The following EP400 variants were observed in gnomAD, a reference collection of about 807,000 sequenced individuals.
The protein encoded by EP400 is E1A-binding protein p400.
Under a neutral mutation model 354.1 loss-of-function variants are expected in EP400, and 105 were observed. The ratio of observed to expected loss-of-function variants is 0.30; its 90% CI spans 0.25 to 0.35. EP400 has a LOEUF of 0.35. Among genes scored for constraint, EP400 ranks in the 10% least tolerant of loss-of-function variants. The pLI, the probability that EP400 is intolerant of heterozygous loss-of-function variation, is 1.00. For missense variants in EP400, 3,280 were observed against 4,121.0 expected (o/e 0.80, Z 5.59); for synonymous variants, 1,646 against 1,716.9 (o/e 0.96, Z 1.02).
chr12:132,044,849 A>T lies in EP400; in HGVS notation c.6680A>T (p.Asp2227Val), dbSNP rs1485648072. ...PPQDDSDIYLDSVMCLMYEAT... is the reference protein window; with the variant it reads ...PPQDDSDIYLVSVMCLMYEAT... ...CAGGACGACAGCGACATCTACCTCG[A>T]CTCGGTCATGTGTCTCATGTATGAA... is the stretch of plus-strand genomic sequence containing the variant. Residue 2227 changes from aspartate (D) to valine (V), a missense_variant, in exon 37 of 53, where the codon GAC becomes GTC. Physicochemically the swap from Asp to Val is radical, Grantham distance 152. Around this residue, in one of 20 missense-constraint regions of EP400, gnomAD observed 231 missense variants for 257.9 expected, o/e 0.90. Transcript: ENST00000389561. The T allele has an allele frequency of 6.2e-7, 1 of 1,614,014 alleles. No homozygotes were observed.
chr12:131,958,984 C>T lies in EP400; in HGVS notation c.-35-1601C>T, dbSNP rs146014450. On this transcript the variant is annotated intron_variant, in intron 1 of 52. Transcript: ENST00000389561. ...TCCAGCCAGGGTTGAGGTGAAGGCA[C>T]CTCAAGAAGACAGGGGCACCTGGGT... Among the ~76,000 whole-genome samples the T allele has an allele frequency of 7.4e-3, 1,132 of 152,284 alleles. 4 individuals are homozygous for T. The highest frequency in any genetic ancestry group is 9.9e-3 in the Non-Finnish European group (671 of 68,028).
intron 19 of EP400, 110 bp downstream of exon 19, chr12:132,014,023 T>C: frequency 6.8e-7 from 1 of 1,463,514 alleles, no homozygotes; most frequent in African/African-American, 1.4e-5. Flanking sequence ...ATTGGGTGTC[T>C]GGAGCTGGAG....
At chr12:132,023,299 ATTTTTTTTTTTTTTTTT>A (rs767816284) in intron 23 of EP400, among the ~76,000 whole-genome samples, 7 of 71,042 alleles carry the variant, frequency 9.9e-5, no homozygotes, top group South Asian at 4.7e-4. Context: ...TGCCCAGCTA[ATTTTTTTTTTTTTTTTT>A]TTTTTTTTTT....
intron 1 of EP400, among the ~76,000 whole-genome samples, chr12:131,953,661 C>T (rs1891595095): frequency 6.6e-6 from 1 of 152,142 alleles, no homozygotes; most frequent in Non-Finnish European, 1.5e-5. Flanking sequence ...CTGTAATGTG[C>T]CCTTTGGTGG....
intron 2 of EP400, among the ~76,000 whole-genome samples, chr12:131,973,499 C>T (rs777785505): frequency 3.9e-5 from 6 of 152,112 alleles, no homozygotes; most frequent in East Asian, 1.9e-4. Context: ...AAAAATTTGC[C>T]GGGTGTGGTG....
At chr12:132,016,104 C>G (rs1020201528) in intron 19 of EP400, among the ~76,000 whole-genome samples, 1 of 152,204 alleles carries the variant, frequency 6.6e-6, no homozygotes, top group East Asian at 1.9e-4. Context: ...CGGAACCATC[C>G]GTCGTCTCAG....
chr12:132,027,556 G>A lies in EP400; in HGVS notation c.5109+25G>A, dbSNP rs897102163. The A allele has an allele frequency of 1.9e-6, 3 of 1,581,590 alleles. No individual in the cohort carries two copies. The highest frequency in any genetic ancestry group is 3.5e-5 in the Admixed American group (2 of 56,966). ...GGTAAGCACCTGAGCTTGAGACCCC[G>A]GTGCACGTGGACAGGTAGCTTTCCA... is the stretch of plus-strand genomic sequence containing the variant. On this transcript the variant is annotated intron_variant, in intron 26 of 52. Coordinates refer to ENST00000389561, the MANE Select transcript of EP400 (RefSeq NM_015409.5). The surrounding 1 kb of genome is among the most constrained non-coding windows in gnomAD (Gnocchi z 4.9).
At chr12:131,969,895 A>G (rs1224865248) in intron 2 of EP400, among the ~76,000 whole-genome samples, 1 of 152,144 alleles carries the variant, frequency 6.6e-6, no homozygotes, top group African/African-American at 2.4e-5. Context: ...AAAAACACAA[A>G]AAAATGAGCT....
At chr12:131,962,012 C>T (rs553965078) in intron 2 of EP400, 58 bp downstream of exon 2, 42 of 1,515,858 alleles carry the variant, frequency 2.8e-5, no homozygotes, top group African/African-American at 8.3e-5. Flanking sequence ...AGAGTCTATG[C>T]GACAATGAAT....
intron 51 of EP400, among the ~76,000 whole-genome samples, chr12:132,072,059 T>C (rs2136621291): frequency 6.6e-6 from 1 of 152,306 alleles, no homozygotes; most frequent in South Asian, 2.1e-4. Flanking sequence ...TGAGTTCAAT[T>C]ACTGCTCTTG....
chr12:132,077,361 T>C (rs753527267), intron 52 of EP400, 40 bp from the exon 53 acceptor site: 3 of 1,585,270 alleles, frequency 1.9e-6, no homozygotes, highest in African/African-American at 2.7e-5. Context: ...CTGGACTGAG[T>C]TTCCTGGGCA....
intron 19 of EP400, among the ~76,000 whole-genome samples, chr12:132,015,347 G>C (rs569070580): frequency 2.6e-5 from 4 of 152,342 alleles, no homozygotes; most frequent in Admixed American, 2.0e-4. Flanking sequence ...TGTTGCTGAA[G>C]CTCTGGTGTC....
At chr12:131,987,982 AC>A in intron 7 of EP400, 92 bp downstream of exon 7, 202 of 628,298 alleles carry the variant, frequency 3.2e-4, no homozygotes, top group Middle Eastern at 5.0e-4. Context: ...CTCCAGACCC[AC>A]TTTTTTTTTT....
Position 132,011,448 on chromosome 12 carries a change from T to C in EP400, c.3305-50T>C, listed in dbSNP as rs373889848. ...CTGGTCAGACACAGTGCTAGGTGCC[T>C]GGACATGACAGATACTTTGACGTGG... On this transcript the variant is annotated intron_variant, in intron 15 of 52. Transcript: ENST00000389561. 13 of 1,606,196 alleles carry C rather than the reference T, an allele frequency of 8.1e-6. No homozygotes were observed. In the South Asian group the frequency reaches 8.9e-5, roughly 11 times the overall value.
chr12:132,011,560 T>TTGAAACG lies in EP400; in HGVS notation c.3369_3375dup (p.Trp1126GlufsTer60), dbSNP rs1566185936. 6.2e-7 allele frequency: 1 copy of TTGAAACG among 1,614,158 alleles called. No homozygotes were observed. The highest frequency in any genetic ancestry group is 8.5e-7 in the Non-Finnish European group (1 of 1,180,024). On this transcript the variant is annotated frameshift_variant, in exon 16 of 53. Coordinates refer to ENST00000389561, the MANE Select transcript of EP400 (RefSeq NM_015409.5). LOFTEE classifies it high-confidence loss of function. ...TAACATACTCAAGTGGGAGCTTGAA[T>TTGAAACG]TGAAACGTTGGTGTCCCGGACTCAA...
chr12:131,952,713 C>G (rs1448406796), intron 1 of EP400, among the ~76,000 whole-genome samples: 1 of 152,186 alleles, frequency 6.6e-6, no homozygotes, highest in Non-Finnish European at 1.5e-5. Context: ...CAGTCTCCCA[C>G]CGTGTTGGAA....
In EP400 at chr12:132,067,390, C is replaced by G; in HGVS notation, c.8778C>G (p.His2926Gln). ...AGACCGTGGTGGCCCAGCCCGTGCA[C>G]ATGCAGCAGCTGCTGAAGCTGAAGC... is the stretch of plus-strand genomic sequence containing the variant. ...AGQTVVAQPV[H>Q]MQQLLKLKQQ... The change falls in exon 50 of 53, where the codon CAC (histidine) becomes CAG (glutamine). Residue 2926 changes from histidine (H) to glutamine (Q), a missense_variant. By Grantham distance (24) the His-to-Gln change is conservative. Transcript: ENST00000389561. This position sits in a 1 kb window ranked among gnomAD's most constrained non-coding sequence, Gnocchi z 5.3. 1 of 1,613,580 alleles carries G rather than the reference C, an allele frequency of 6.2e-7. No individual in the cohort carries two copies. Among genetic ancestry groups the G allele is most frequent in the Non-Finnish European group, 8.5e-7 (1 of 1,180,052 alleles).
intron 47 of EP400, 59 bp from the exon 48 acceptor site, chr12:132,064,609 C>A (rs1895826126): frequency 1.3e-6 from 2 of 1,573,912 alleles, no homozygotes; most frequent in South Asian, 2.3e-5. Context: ...AACAAGATGT[C>A]TACTTAAAGA....
chr12:132,063,806 A>G (rs1166317322), intron 47 of EP400, among the ~76,000 whole-genome samples: 1 of 152,122 alleles, frequency 6.6e-6, no homozygotes, highest in African/African-American at 2.4e-5. Flanking sequence ...CGAGGGCTGC[A>G]TGGCCATATG....
Sources: allele counts gnomAD v4.1 joint callset (sites outside exome capture counted in the v4.1 genomes callset), GRCh38; gene constraint gnomAD v4.1.1; regional missense constraint gnomAD v4.1.1; non-coding constraint Gnocchi (gnomAD v3.1); transcripts MANE v1.5; gene names NCBI Gene and HGNC (gene_info 2026-07-23, HGNC 2026-07-21).